The following TMEM165 variants were observed in gnomAD, a reference collection of about 807,000 sequenced individuals.
TMEM165 encodes putative divalent cation/proton antiporter TMEM165.
TMEM165 carries 19 observed loss-of-function variants against 30.0 expected under a neutral mutation model. The observed-to-expected ratio is 0.63, with a 90% confidence interval of 0.44 to 0.93. The LOEUF (loss-of-function observed/expected upper bound fraction) is 0.93, where lower values mean the gene tolerates loss of function less well. Ranked by LOEUF, TMEM165 falls within the 40% of genes least tolerant of loss-of-function variation. The pLI is 0.00. For missense variants in TMEM165, 340 were observed against 417.0 expected, an observed-to-expected ratio of 0.82 and a Z score of 1.61; for synonymous variants, 168 against 162.9, an observed-to-expected ratio of 1.03 and a Z score of -0.24.
At chr4:55,441,716 C>T (rs1723383773) in intron 3 of TMEM165, among the ~76,000 whole-genome samples, 1 of 152,080 alleles carries the variant, frequency 6.6e-6, no homozygotes, top group South Asian at 2.1e-4. Flanking sequence ...ATATAATAGA[C>T]TTTGGAGGAG....
At chr4:55,431,453 C>G (rs1286194733) in intron 3 of TMEM165, 1 of 152,182 alleles carries the variant, frequency 6.6e-6, no homozygotes, top group Admixed American at 6.5e-5. Flanking sequence ...TCACCCAATC[C>G]AAACTTAAAA....
chr4:55,421,721 C>A (rs1721982065), intron 4 of TMEM165, among the ~76,000 whole-genome samples: 1 of 152,198 alleles, frequency 6.6e-6, no homozygotes, highest in Non-Finnish European at 1.5e-5. Flanking sequence ...CACACACTGC[C>A]CGACAGCGGG....
chr4:55,399,074 A>G (rs1350748642), intron 1 of TMEM165: 1 of 152,124 alleles, frequency 6.6e-6, no homozygotes, highest in Non-Finnish European at 1.5e-5. Context: ...TAATTCCGGG[A>G]CTCTTATAAA....
chr4:55,440,401 T>C (rs1392674243), intron 3 of TMEM165, among the ~76,000 whole-genome samples: 2 of 152,218 alleles, frequency 1.3e-5, no homozygotes, highest in African/African-American at 4.8e-5. Context: ...AACAATATTA[T>C]TTCCATTTGC....
intron 1 of TMEM165, among the ~76,000 whole-genome samples, chr4:55,407,465 T>C (rs1721316986): frequency 6.6e-6 from 1 of 152,230 alleles, no homozygotes; most frequent in Non-Finnish European, 1.5e-5. Context: ...AAAATATTGC[T>C]TATAATTTAA....
At chr4:55,450,014 G>T in intron 3 of TMEM165, 1 of 1,518,958 alleles carries the variant, frequency 6.6e-7, no homozygotes, top group Non-Finnish European at 9.1e-7. Flanking sequence ...AGCGTTTGAT[G>T]AGAAATGCTG....
intron 1 of TMEM165, among the ~76,000 whole-genome samples, chr4:55,407,934 G>T (rs1039752010): frequency 4.6e-5 from 7 of 152,118 alleles, no homozygotes; most frequent in Non-Finnish European, 8.8e-5. Context: ...TGAGTCACAG[G>T]GGGGTGTACC....
chr4:55,420,672 A>T (rs141088595), intron 4 of TMEM165, among the ~76,000 whole-genome samples: 265 of 152,092 alleles, frequency 1.7e-3, no homozygotes, highest in Non-Finnish European at 2.1e-3. Context: ...TAGTATTCCT[A>T]TTTTTGTTGG....
chr4:55,417,891 T>A lies in TMEM165; in HGVS notation c.698T>A (p.Ile233Asn). The part of the protein sequence containing the change: ...TVPQKKWLHF[I>N]SPIFVQALTL... ...CCTCAGAAAAAGTGGTTGCATTTTA[T>A]TTCACCCATTTTTGTTCAAGCTCTT... The change falls in exon 4 of 6, where the codon ATT becomes AAT. Residue 233 changes from isoleucine to asparagine, a missense_variant. Ile to Asn is a moderately radical substitution (Grantham distance 149, BLOSUM62 -3). Transcript: ENST00000381334. 6.2e-7 allele frequency: 1 copy of A among 1,614,140 alleles called. No homozygotes were observed. Among genetic ancestry groups the A allele is most frequent in the Non-Finnish European group, 8.5e-7 (1 of 1,180,000 alleles).
intron 1 of TMEM165, among the ~76,000 whole-genome samples, chr4:55,404,653 G>T (rs1314830753): frequency 6.6e-6 from 1 of 151,184 alleles, no homozygotes; most frequent in Admixed American, 6.6e-5. Flanking sequence ...GCCCAGGCTG[G>T]CCTCGAACTC....
Position 55,396,135 on chromosome 4 carries a change from C to T in TMEM165, c.-55C>T. ...GGAGGCTGTTCGGGGTCGAGGCTTC[C>T]CGTCGCCGGCACTTCCTCTTGCGGC... On this transcript the variant is annotated 5_prime_UTR_variant, in exon 1 of 6. Coordinates refer to ENST00000381334, the MANE Select transcript of TMEM165 (RefSeq NM_018475.5). 1.5e-6 allele frequency: 2 copies of T among 1,309,354 alleles called. No individual in the cohort carries two copies. The highest frequency in any genetic ancestry group is 1.9e-6 in the Non-Finnish European group (2 of 1,036,614). The allele number at this position is 1,309,354 out of a possible 1,614,324, so 81.1% of individuals were successfully genotyped here.
At chr4:55,449,555 T>A in intron 3 of TMEM165, 2 of 1,383,990 alleles carry the variant, frequency 1.4e-6, no homozygotes, top group Non-Finnish European at 2.1e-6. Flanking sequence ...TTTTAAAGAT[T>A]AATCTCAAAA....
intron 1 of TMEM165, among the ~76,000 whole-genome samples, chr4:55,409,337 C>T (rs1259601052): frequency 1.3e-5 from 2 of 152,224 alleles, no homozygotes; most frequent in East Asian, 1.9e-4. Context: ...TTATTCTTAC[C>T]TGTGACTAGG....
intron 3 of TMEM165, chr4:55,435,603 C>A (rs757126558): frequency 6.2e-7 from 1 of 1,613,672 alleles, no homozygotes; most frequent in East Asian, 2.2e-5. Context: ...GTCTAAAAAA[C>A]AAATGGATTA....
In TMEM165 at chr4:55,396,107, C is replaced by G. The variant is rs1720707692; in HGVS notation, c.-83C>G. On this transcript the variant is annotated 5_prime_UTR_variant, in exon 1 of 6. Coordinates refer to ENST00000381334, the MANE Select transcript of TMEM165 (RefSeq NM_018475.5). ...GCGGCGGCGAGTCGTGAGGACGCGC[C>G]GCGGAGGCTGTTCGGGGTCGAGGCT... 8.4e-7 allele frequency: 1 copy of G among 1,189,368 alleles called. No individual in the cohort carries two copies. Among genetic ancestry groups the G allele is most frequent in the Non-Finnish European group, 1.1e-6 (1 of 934,060 alleles). The allele number at this position is 1,189,368 out of a possible 1,614,324, so 73.7% of individuals were successfully genotyped here.
intron 4 of TMEM165, among the ~76,000 whole-genome samples, chr4:55,422,757 C>G (rs1722034353): frequency 6.6e-6 from 1 of 152,006 alleles, no homozygotes; most frequent in Admixed American, 6.6e-5. Context: ...CAAGCCAATT[C>G]TCCTGCCTCA....
chr4:55,409,179 A>G (rs1450390498), intron 1 of TMEM165, among the ~76,000 whole-genome samples: 1 of 152,156 alleles, frequency 6.6e-6, no homozygotes, highest in Non-Finnish European at 1.5e-5. Context: ...GGCAACAAAT[A>G]CTTTCCATTT....
intron 2 of TMEM165, among the ~76,000 whole-genome samples, chr4:55,414,085 G>A (rs192145457): frequency 2.9e-4 from 44 of 152,104 alleles, no homozygotes; most frequent in African/African-American, 1.0e-3. Context: ...TGGCTAACAC[G>A]GTGAAACCCC....
Position 55,422,271 on chromosome 4 carries a change from CT to C in TMEM165, c.793-2259del, listed in dbSNP as rs577937324. On this transcript the variant is annotated intron_variant, in intron 4 of 5. Transcript: ENST00000381334. The stretch of plus-strand genomic sequence containing the variant: ...TTTCTCTGTAACAGGTTTATTGACT[CT>C]TTTTTTTGAGAGTCTTGCTCTGTCA... Among the ~76,000 whole-genome samples the C allele has an allele frequency of 1.6e-3, 242 of 152,056 alleles. 2 individuals carry two copies. The highest frequency in any genetic ancestry group is 5.6e-3 in the African/African-American group (234 of 41,480).
Sources: allele counts gnomAD v4.1 joint callset (sites outside exome capture counted in the v4.1 genomes callset), GRCh38; gene constraint gnomAD v4.1.1; transcripts MANE v1.5; gene names NCBI Gene and HGNC (gene_info 2026-07-23, HGNC 2026-07-21).